Variants in DDX60L observed in about 807,000 individuals in gnomAD.
DDX60L encodes the protein DExD/H-box 60 like, also known as probable ATP-dependent RNA helicase DDX60-like.
Under a neutral mutation model 211.6 loss-of-function variants are expected in DDX60L, and 191 were observed. That is an observed-to-expected ratio of 0.90 (90% CI 0.80 to 1.02). DDX60L has a LOEUF of 1.02. DDX60L is among the 50% of genes least tolerant of loss of function. DDX60L has a pLI of 0.00. For missense variants in DDX60L, 2,007 were observed against 1,984.1 expected, an observed-to-expected ratio of 1.01 and a Z score of -0.22; for synonymous variants, 706 against 694.1, an observed-to-expected ratio of 1.02 and a Z score of -0.27.
intron 25 of DDX60L, among the ~76,000 whole-genome samples, chr4:168,401,316 G>A (rs772898389): frequency 1.3e-5 from 2 of 152,162 alleles, no homozygotes; most frequent in Non-Finnish European, 2.9e-5. Flanking sequence ...ATCCCTTTCT[G>A]TTGATAACTA....
intron 17 of DDX60L, among the ~76,000 whole-genome samples, chr4:168,420,826 C>A (rs536774116): frequency 1.3e-5 from 2 of 152,230 alleles, no homozygotes; most frequent in South Asian, 2.1e-4. Context: ...GCTCTCTCTG[C>A]CTGTGTTTGT....
intron 19 of DDX60L, among the ~76,000 whole-genome samples, chr4:168,418,035 G>T (rs999499135): frequency 6.6e-6 from 1 of 152,138 alleles, no homozygotes; most frequent in Admixed American, 6.5e-5. Context: ...CAAGTTTTGT[G>T]CATGTATAAA....
At chr4:168,384,219 A>G (rs1743454569) in intron 30 of DDX60L, among the ~76,000 whole-genome samples, 1 of 152,116 alleles carries the variant, frequency 6.6e-6, no homozygotes, top group South Asian at 2.1e-4. Context: ...TATCTATCCT[A>G]TTAGTTCTGT....
intron 29 of DDX60L, among the ~76,000 whole-genome samples, chr4:168,388,502 T>G (rs1255594187): frequency 6.6e-6 from 1 of 152,268 alleles, no homozygotes; most frequent in Non-Finnish European, 1.5e-5. Flanking sequence ...ACTTACTATG[T>G]GCTGTGCACA....
At position 168,372,886 on chromosome 4, in the gene DDX60L, G is replaced by T. The variant is rs562191952; in HGVS notation, c.4776+780C>A. Among the ~76,000 whole-genome samples the T allele has an allele frequency of 6.4e-4, 98 of 152,150 alleles. 4 individuals are homozygous for T. In the South Asian group the frequency reaches 0.017, roughly 26 times the overall value. ...GTTCTTTTCTATTTGTTTACTTTGG[G>T]TATCAAATAGCTTTGATATCTATAT... On this transcript the variant is annotated intron_variant, in intron 35 of 37. Transcript: ENST00000682922.
chr4:168,391,663 A>ACAGTCAATAC lies in DDX60L; in HGVS notation c.3811-20_3811-19insGTATTGACTG. ...TCACTACCTAGGAAAAAAAAAAAAA[A>ACAGTCAATAC]ACAGTCAATACACAATATAGCATAT... On this transcript the variant is annotated intron_variant, in intron 28 of 37. Transcript: ENST00000682922. The ACAGTCAATAC allele has an allele frequency of 1.5e-6, 2 of 1,359,144 alleles. No individual in the cohort carries two copies. The highest frequency in any genetic ancestry group is 2.0e-6 in the Non-Finnish European group (2 of 987,542). The allele number at this position is 1,359,144 out of a possible 1,614,324, so 84.2% of individuals were successfully genotyped here.
intron 9 of DDX60L, among the ~76,000 whole-genome samples, chr4:168,442,093 G>A (rs533753630): frequency 5.3e-5 from 8 of 152,078 alleles, no homozygotes; most frequent in Admixed American, 6.6e-5. Flanking sequence ...ATGAGGTACC[G>A]GGTTCATCTC....
chr4:168,449,663 AAAG>A (rs772433432), intron 8 of DDX60L, among the ~76,000 whole-genome samples: 13,053 of 61,636 alleles, frequency 0.21, 2,066 homozygotes, highest in African/African-American at 0.3. Flanking sequence ...AAAAAAAAAA[AAAG>A]AAAAAAGAAA....
intron 5 of DDX60L, among the ~76,000 whole-genome samples, chr4:168,461,425 T>C (rs540404226): frequency 5.5e-4 from 84 of 152,144 alleles, no homozygotes; most frequent in Non-Finnish European, 9.3e-4. Flanking sequence ...ACAGATGAGG[T>C]GACAATACCA....
At chr4:168,475,466 T>C (rs1325168535) in intron 1 of DDX60L, among the ~76,000 whole-genome samples, 31 of 152,134 alleles carry the variant, frequency 2.0e-4, no homozygotes. Context: ...TACAGTTATG[T>C]TGTGTTTGTT....
At chr4:168,446,433 A>C (rs1406079063) in intron 9 of DDX60L, among the ~76,000 whole-genome samples, 1 of 152,242 alleles carries the variant, frequency 6.6e-6, no homozygotes, top group Non-Finnish European at 1.5e-5. Flanking sequence ...AAGAATCAAT[A>C]TTGTGAAAAT....
At chr4:168,380,048 T>C (rs894855281) in intron 30 of DDX60L, 2 of 411,966 alleles carry the variant, frequency 4.9e-6, no homozygotes, top group Admixed American at 4.1e-5. Context: ...CTGTTATACA[T>C]AACCCAGACT....
At chr4:168,437,859 GT>G (rs72218236) in intron 10 of DDX60L, among the ~76,000 whole-genome samples, 122,115 of 150,998 alleles carry the variant, frequency 0.81, 49,452 homozygotes, top group East Asian at 0.91. Flanking sequence ...ACTCCATGGG[GT>G]TTTTTTTTGG....
chr4:168,360,085 C>T (rs1243901329), intron 37 of DDX60L, among the ~76,000 whole-genome samples: 1 of 152,124 alleles, frequency 6.6e-6, no homozygotes, highest in Admixed American at 6.5e-5. Context: ...ATTATAGTAG[C>T]ATTAATCATA....
intron 36 of DDX60L, 74 bp downstream of exon 36, chr4:168,371,538 A>G: frequency 2.8e-6 from 2 of 717,398 alleles, no homozygotes; most frequent in Non-Finnish European, 4.2e-6. Flanking sequence ...TACATATATA[A>G]TATGAATATA....
chr4:168,477,233 G>C (rs1759660183), intron 1 of DDX60L, among the ~76,000 whole-genome samples: 2 of 152,022 alleles, frequency 1.3e-5, no homozygotes, highest in South Asian at 4.1e-4. Flanking sequence ...GGCTAACATG[G>C]TGAAACCCTG....
Position 168,461,898 on chromosome 4 carries a change from T to G in DDX60L, c.407A>C (p.Glu136Ala), listed in dbSNP as rs1293633523. Residue 136 changes from glutamate (E) to alanine (A), a missense_variant, in exon 5 of 38, where the codon GAA (glutamate) becomes GCA (alanine). Physicochemically the swap from Glu to Ala is moderately radical, Grantham distance 107. Transcript: ENST00000682922. ...TATCAGAAAATACGGGTAATGCTGT[T>G]CCAAGAATAACTTCCAATCTTGTGA... Reference protein sequence around the residue: ...CLSQDWKLFLEQHYPYFLIVS... With the variant: ...CLSQDWKLFLAQHYPYFLIVS... 8.1e-6 allele frequency: 13 copies of G among 1,612,084 alleles called. No homozygotes were observed. The highest frequency in any genetic ancestry group is 1.1e-5 in the Non-Finnish European group (13 of 1,178,948).
chr4:168,392,546 A>G (rs1380182867), intron 28 of DDX60L, among the ~76,000 whole-genome samples: 1 of 151,670 alleles, frequency 6.6e-6, no homozygotes, highest in Non-Finnish European at 1.5e-5. Context: ...ATCATTTAGA[A>G]AAAAAAAAGT....
At chr4:168,412,956 G>A (rs1304876217) in intron 22 of DDX60L, among the ~76,000 whole-genome samples, 1 of 152,238 alleles carries the variant, frequency 6.6e-6, no homozygotes, top group Non-Finnish European at 1.5e-5. Flanking sequence ...AAGAGCCACA[G>A]CCTCACTGAG....
Sources: allele counts gnomAD v4.1 joint callset (sites outside exome capture counted in the v4.1 genomes callset), GRCh38; gene constraint gnomAD v4.1.1; transcripts MANE v1.5; gene names NCBI Gene and HGNC (gene_info 2026-07-23, HGNC 2026-07-21).